The following THRB variants were observed in gnomAD, a reference collection of about 807,000 sequenced individuals.
The protein encoded by THRB is nuclear receptor subfamily 1 group A member 2.
A neutral mutation model predicts 47.8 loss-of-function variants in THRB; 12 were observed. That is an observed-to-expected ratio of 0.25 (90% CI 0.16 to 0.41). The LOEUF is 0.41. Among genes scored for constraint, THRB ranks in the 10% least tolerant of loss-of-function variants. The probability of loss-of-function intolerance (pLI) is 1.00; values close to 1 mark genes in which losing one functional copy is unlikely to be tolerated. For synonymous variants in THRB, 218 were observed against 212.2 expected, an observed-to-expected ratio of 1.03 and a Z score of -0.24; for missense variants, 348 against 589.2, an observed-to-expected ratio of 0.59 and a Z score of 4.24.
At position 24,293,177 on chromosome 3, in the gene THRB, G is replaced by A. The variant is rs115784713; in HGVS notation, c.-43+4049C>T. ...TTGGGGTGGTCTGAAAGGGTATCAC[G>A]ACTTCTACAAGCTCTGATACCTGAA... On this transcript the variant is annotated intron_variant, in intron 3 of 10. Coordinates refer to ENST00000646209, the MANE Select transcript of THRB (RefSeq NM_001354712.2). Among the ~76,000 whole-genome samples, 664 of 152,256 alleles carry A rather than the reference G, an allele frequency of 4.4e-3. 5 individuals are homozygous for A. The highest frequency in any genetic ancestry group is 0.014 in the African/African-American group (602 of 41,558).
chr3:24,446,759 G>T (rs745791799), intron 1 of THRB, among the ~76,000 whole-genome samples: 1 of 152,140 alleles, frequency 6.6e-6, no homozygotes, highest in Non-Finnish European at 1.5e-5. Context: ...AATATAATGT[G>T]AGAGTGGGCG....
intron 1 of THRB, among the ~76,000 whole-genome samples, chr3:24,339,107 T>A: frequency 6.6e-6 from 1 of 152,168 alleles, no homozygotes; most frequent in East Asian, 1.9e-4. Context: ...CCCCTGACAT[T>A]AATATATAAA....
chr3:24,269,280 CACACA>C (rs2052995165), intron 3 of THRB, among the ~76,000 whole-genome samples: 6 of 6,232 alleles, frequency 9.6e-4, no homozygotes, highest in Admixed American at 5.7e-3. Context: ...GGATACACCA[CACACA>C]CACACACACA....
chr3:24,389,646 T>C (rs1168593804), intron 1 of THRB, among the ~76,000 whole-genome samples: 2 of 152,176 alleles, frequency 1.3e-5, no homozygotes, highest in African/African-American at 4.8e-5. Flanking sequence ...GAAAGGGTTT[T>C]TCCAAGGATC....
At chr3:24,495,450 C>A (rs1029707227), upstream of THRB, 1 of 153,164 alleles carries the variant, frequency 6.5e-6, no homozygotes, top group African/African-American at 2.4e-5. Context: ...ACTCGAGGTC[C>A]CCGGGCCGGC....
intron 3 of THRB, among the ~76,000 whole-genome samples, chr3:24,244,187 T>C (rs2049878123): frequency 6.6e-6 from 1 of 152,110 alleles, no homozygotes; most frequent in Non-Finnish European, 1.5e-5. Context: ...CGGCAGTATA[T>C]AAATGGCTGT....
intron 2 of THRB, among the ~76,000 whole-genome samples, chr3:24,333,402 C>T (rs559780166): frequency 7.2e-5 from 11 of 152,262 alleles, no homozygotes; most frequent in Non-Finnish European, 1.3e-4. Context: ...CCCAAAGTCC[C>T]CGGAATGGAG....
intron 4 of THRB, among the ~76,000 whole-genome samples, chr3:24,192,198 C>T (rs986723338): frequency 3.9e-5 from 6 of 152,140 alleles, no homozygotes; most frequent in South Asian, 2.1e-4. Context: ...CTTGAAAGAT[C>T]GTATTGCATT....
chr3:24,241,112 G>T (rs1192095630), intron 3 of THRB, among the ~76,000 whole-genome samples: 1 of 152,158 alleles, frequency 6.6e-6, no homozygotes, highest in East Asian at 1.9e-4. Context: ...ACGGCAATGA[G>T]ACACAATGGG....
At chr3:24,408,644 T>C (rs2068024288) in intron 1 of THRB, among the ~76,000 whole-genome samples, 1 of 151,834 alleles carries the variant, frequency 6.6e-6, no homozygotes, top group African/African-American at 2.4e-5. Flanking sequence ...TGTGATTAGA[T>C]GCATTAAGAA....
At position 24,314,858 on chromosome 3, in the gene THRB, T is replaced by C. The variant is rs1467993355; in HGVS notation, c.-188-17487A>G. Among the ~76,000 whole-genome samples the C allele has an allele frequency of 2.6e-5, 4 of 152,234 alleles. No homozygotes were observed. In the East Asian group the frequency reaches 7.7e-4, roughly 29 times the overall value. On this transcript the variant is annotated intron_variant, in intron 2 of 10. Transcript: ENST00000646209. ...CACTAGGAATGGATTACACATTTTT[T>C]ATTCATATATTCCTGCAGGGTCTTA...
At chr3:24,155,042 C>A (rs2149141176) in intron 5 of THRB, among the ~76,000 whole-genome samples, 1 of 152,316 alleles carries the variant, frequency 6.6e-6, no homozygotes, top group Admixed American at 6.5e-5. Context: ...CCTCATACTA[C>A]CCCAGCCTGT....
chr3:24,132,397 AAGC>A (rs1575299712), intron 9 of THRB, among the ~76,000 whole-genome samples: 1 of 152,232 alleles, frequency 6.6e-6, no homozygotes, highest in Non-Finnish European at 1.5e-5. Flanking sequence ...GATAAAATAA[AAGC>A]AGTATTAGCA....
chr3:24,403,397 C>T (rs943893665), intron 1 of THRB, among the ~76,000 whole-genome samples: 5 of 151,978 alleles, frequency 3.3e-5, no homozygotes, highest in African/African-American at 9.6e-5. Context: ...TAAGATAAAA[C>T]GTTAACATTT....
chr3:24,476,436 T>C (rs1695459648), intron 1 of THRB, among the ~76,000 whole-genome samples: 1 of 152,240 alleles, frequency 6.6e-6, no homozygotes, highest in Admixed American at 6.5e-5. Flanking sequence ...ATTGTTTCAA[T>C]GGTTGCCATC....
chr3:24,203,977 T>G (rs1169099931), intron 4 of THRB, among the ~76,000 whole-genome samples: 1 of 152,176 alleles, frequency 6.6e-6, no homozygotes, highest in Non-Finnish European at 1.5e-5. Context: ...CCGCCATTGC[T>G]GAGGCTTGAG....
chr3:24,183,140 T>C (rs939826970), intron 5 of THRB, among the ~76,000 whole-genome samples: 2 of 152,112 alleles, frequency 1.3e-5, no homozygotes, highest in African/African-American at 4.8e-5. Flanking sequence ...GCTGTGCACA[T>C]GATGTTTTGT....
chr3:24,312,216 G>A (rs887278338), intron 2 of THRB, among the ~76,000 whole-genome samples: 2 of 152,252 alleles, frequency 1.3e-5, no homozygotes, highest in African/African-American at 4.8e-5. Context: ...CATGTGGGGG[G>A]TGTTCTCACG....
At chr3:24,126,362 C>A (rs930572864) in intron 10 of THRB, among the ~76,000 whole-genome samples, 6 of 151,926 alleles carry the variant, frequency 3.9e-5, no homozygotes, top group African/African-American at 1.2e-4. Context: ...GCCTGGGCAA[C>A]AGAGCAAGAC....
Sources: allele counts gnomAD v4.1 joint callset (sites outside exome capture counted in the v4.1 genomes callset), GRCh38; gene constraint gnomAD v4.1.1; transcripts MANE v1.5; gene names NCBI Gene and HGNC (gene_info 2026-07-23, HGNC 2026-07-21).